The following SLC35F1 variants were observed in gnomAD, a reference collection of about 807,000 sequenced individuals.
The protein encoded by SLC35F1 is solute carrier family 35 member F1.
In SLC35F1, 14 loss-of-function variants were observed where a neutral mutation model predicts 48.7. The observed-to-expected ratio is 0.29, with a 90% CI of 0.19 to 0.45. The LOEUF is 0.45. SLC35F1 is among the 20% of genes least tolerant of loss of function. The pLI is 1.00. For synonymous variants in SLC35F1, 190 were observed against 202.2 expected, an observed-to-expected ratio of 0.94 and a Z score of 0.51; for missense variants, 404 against 500.0, an observed-to-expected ratio of 0.81 and a Z score of 1.83.
chr6:118,277,318 A>AT (rs2114632647), intron 5 of SLC35F1, among the ~76,000 whole-genome samples, 176 bp from the exon 6 acceptor site: 1 of 152,324 alleles, frequency 6.6e-6, no homozygotes, highest in East Asian at 1.9e-4. Context: ...TTCTTCAGGG[A>AT]TAAACTGCAC....
chr6:118,272,969 G>A (rs1265512424), intron 4 of SLC35F1, among the ~76,000 whole-genome samples: 1 of 148,492 alleles, frequency 6.7e-6, no homozygotes, highest in Non-Finnish European at 1.5e-5. Context: ...ATTTAATTAT[G>A]TTTAATTAAC....
At chr6:118,054,427 T>C (rs781359443) in intron 1 of SLC35F1, among the ~76,000 whole-genome samples, 5 of 152,234 alleles carry the variant, frequency 3.3e-5, no homozygotes, top group Non-Finnish European at 7.3e-5. Context: ...GATTGTATGA[T>C]TGAAATATTT....
chr6:118,148,268 G>A (rs1774004582), intron 1 of SLC35F1, among the ~76,000 whole-genome samples: 1 of 152,064 alleles, frequency 6.6e-6, no homozygotes, highest in South Asian at 2.1e-4. Flanking sequence ...TCACTTTTGT[G>A]GCAAAGAATT....
intron 1 of SLC35F1, among the ~76,000 whole-genome samples, chr6:117,923,744 T>TATGTACAC (rs1232158949): frequency 1.0e-4 from 7 of 67,414 alleles, no homozygotes; most frequent in South Asian, 1.1e-3. Flanking sequence ...TATATACATA[T>TATGTACAC]ATGTACATAT....
At chr6:117,972,348 G>GT (rs1404918325) in intron 1 of SLC35F1, among the ~76,000 whole-genome samples, 4 of 152,046 alleles carry the variant, frequency 2.6e-5, no homozygotes, top group Admixed American at 6.6e-5. Flanking sequence ...ATTTTCTTTT[G>GT]TTTTTCTGAG....
chr6:117,958,040 G>A (rs1253913763), intron 1 of SLC35F1, among the ~76,000 whole-genome samples: 1 of 152,180 alleles, frequency 6.6e-6, no homozygotes, highest in Non-Finnish European at 1.5e-5. Context: ...CTTCCAGTGG[G>A]ACAAGATGTG....
chr6:118,185,832 G>A (rs957248124), intron 2 of SLC35F1, among the ~76,000 whole-genome samples: 1 of 152,120 alleles, frequency 6.6e-6, no homozygotes. Flanking sequence ...AAAGATTGGG[G>A]TTTTTTTGTT....
intron 1 of SLC35F1, among the ~76,000 whole-genome samples, chr6:118,111,873 G>A (rs903499955): frequency 3.3e-5 from 5 of 152,124 alleles, no homozygotes; most frequent in Non-Finnish European, 5.9e-5. Context: ...GAATCAGAGC[G>A]ATTCCATCTT....
At chr6:117,966,836 C>T (rs2114839938) in intron 1 of SLC35F1, among the ~76,000 whole-genome samples, 1 of 152,262 alleles carries the variant, frequency 6.6e-6, no homozygotes, top group Non-Finnish European at 1.5e-5. Context: ...CTTTAAATAC[C>T]CTGTGTCCAA....
At chr6:118,261,717 C>T (rs1031075187) in intron 3 of SLC35F1, among the ~76,000 whole-genome samples, 7 of 152,132 alleles carry the variant, frequency 4.6e-5, no homozygotes, top group African/African-American at 1.7e-4. Flanking sequence ...AGTGAGGTTC[C>T]CTTGGATATT....
chr6:118,017,806 A>T (rs1327328990), intron 1 of SLC35F1, among the ~76,000 whole-genome samples: 4 of 152,228 alleles, frequency 2.6e-5, no homozygotes, highest in Admixed American at 1.3e-4. Context: ...AGTTAATGGC[A>T]AGTTGATATA....
chr6:117,945,508 C>A (rs1562245034), intron 1 of SLC35F1, among the ~76,000 whole-genome samples: 1 of 152,118 alleles, frequency 6.6e-6, no homozygotes, highest in Non-Finnish European at 1.5e-5. Context: ...ATATAATACT[C>A]CTCATAGCTT....
intron 7 of SLC35F1, among the ~76,000 whole-genome samples, chr6:118,310,849 T>C (rs933169600): frequency 6.6e-5 from 10 of 152,258 alleles, no homozygotes; most frequent in African/African-American, 2.2e-4. Flanking sequence ...GATGGTTCCA[T>C]GTCCAAAAAA....
intron 1 of SLC35F1, among the ~76,000 whole-genome samples, chr6:118,032,912 T>C (rs554124973): frequency 1.0e-3 from 155 of 152,316 alleles, no homozygotes; most frequent in Admixed American, 3.7e-3. Flanking sequence ...TAATCATTCT[T>C]CTTTGTCTTT....
At chr6:118,052,254 A>T (rs1340948883) in intron 1 of SLC35F1, among the ~76,000 whole-genome samples, 2 of 152,064 alleles carry the variant, frequency 1.3e-5, no homozygotes, top group African/African-American at 4.8e-5. Context: ...GTAAAAAGAA[A>T]TTTTTTCTTC....
At chr6:118,304,797 C>T (rs544824296) in intron 7 of SLC35F1, among the ~76,000 whole-genome samples, 1 of 151,408 alleles carries the variant, frequency 6.6e-6, no homozygotes, top group Admixed American at 6.6e-5. Context: ...TGATGAGTGG[C>T]CTGAGGCTTG....
chr6:118,232,023 T>A (rs1183371180), intron 2 of SLC35F1, among the ~76,000 whole-genome samples: 1 of 152,236 alleles, frequency 6.6e-6, no homozygotes, highest in Non-Finnish European at 1.5e-5. Context: ...ATGTTTCTAA[T>A]AGATATATTT....
chr6:118,007,500 A>G (rs1777188840), intron 1 of SLC35F1, among the ~76,000 whole-genome samples: 1 of 152,140 alleles, frequency 6.6e-6, no homozygotes. Flanking sequence ...TTATTATGTG[A>G]TGGCTCATGT....
intron 1 of SLC35F1, among the ~76,000 whole-genome samples, chr6:118,046,233 G>A (rs1772298000): frequency 6.6e-6 from 1 of 152,106 alleles, no homozygotes; most frequent in Admixed American, 6.6e-5. Context: ...TTTGGCTTCT[G>A]TCTTAGATCT....
Sources: allele counts gnomAD v4.1 joint callset (sites outside exome capture counted in the v4.1 genomes callset), GRCh38; gene constraint gnomAD v4.1.1; transcripts MANE v1.5; gene names NCBI Gene and HGNC (gene_info 2026-07-23, HGNC 2026-07-21).